Variants in FGF13 observed in about 807,000 individuals in gnomAD.
The protein encoded by FGF13 is fibroblast growth factor 13.
A neutral mutation model predicts 19.5 loss-of-function variants in FGF13; 2 were observed. The ratio of observed to expected loss-of-function variants is 0.10; its 90% CI spans 0.04 to 0.32. The LOEUF (loss-of-function observed/expected upper bound fraction) is 0.32, where lower values mean the gene tolerates loss of function less well. FGF13 is among the 10% of genes least tolerant of loss of function. FGF13 has a pLI of 1.00. For synonymous variants in FGF13, 72 were observed against 76.9 expected, an observed-to-expected ratio of 0.94 and a Z score of 0.33; for missense variants, 113 against 192.7, an observed-to-expected ratio of 0.59 and a Z score of 2.45.
At chrX:138,690,253 CTT>C (rs1399957993) in intron 3 of FGF13, among the ~76,000 whole-genome samples, 1 of 110,856 alleles carries the variant, frequency 9.0e-6, no homozygotes, top group Non-Finnish European at 1.9e-5. Flanking sequence ...AATGATAACT[CTT>C]TTTTTTAGAG....
intron 1 of FGF13, among the ~76,000 whole-genome samples, chrX:139,028,708 T>A (rs748425909): frequency 1.7e-4 from 10 of 60,412 alleles, no homozygotes; most frequent in Non-Finnish European, 2.2e-4. Flanking sequence ...TGTGTGTGTG[T>A]GAGAGAGAGA....
intron 1 of FGF13, among the ~76,000 whole-genome samples, chrX:138,936,866 A>G (rs1172388474): frequency 1.8e-5 from 2 of 111,830 alleles, no homozygotes; most frequent in African/African-American, 6.5e-5. Context: ...AGCGGTCAGA[A>G]TGTTATAGGG....
chrX:139,085,728 C>CA (rs200513740), intron 1 of FGF13, among the ~76,000 whole-genome samples: 175 of 110,343 alleles, frequency 1.6e-3, no homozygotes, highest in South Asian at 4.6e-3. Context: ...ACCTAAATGT[C>CA]AAAAAAAAGC....
chrX:138,819,623 A>G (rs2090985149), intron 3 of FGF13, among the ~76,000 whole-genome samples: 1 of 111,603 alleles, frequency 9.0e-6, no homozygotes, highest in African/African-American at 3.3e-5. Flanking sequence ...ATGACATTAA[A>G]AGGGATGGCC....
chrX:139,202,827 C>T lies in FGF13; in HGVS notation c.-113+589G>A, dbSNP rs185612343. Among the ~76,000 whole-genome samples the T allele has an allele frequency of 3.4e-3, 378 of 111,239 alleles. 3 individuals carry two copies. Among genetic ancestry groups the T allele is most frequent in the African/African-American group, 0.012 (352 of 30,588 alleles). On this transcript the variant is annotated intron_variant, in intron 1 of 2. Transcript: ENST00000421460. Reference sequence around the variant, plus strand: ...GAACTGGGGCCCCCATGAACAAAAGCTGGGACTCCCTGCGCTGCAACCTCA... The same window carrying T: ...GAACTGGGGCCCCCATGAACAAAAGTTGGGACTCCCTGCGCTGCAACCTCA...
intron 1 of FGF13, among the ~76,000 whole-genome samples, chrX:139,111,786 G>A (rs922919955): frequency 2.7e-5 from 3 of 111,837 alleles, no homozygotes; most frequent in South Asian, 3.7e-4. Flanking sequence ...CTGTACTGCC[G>A]GAAAATGAGC....
intron 1 of FGF13, among the ~76,000 whole-genome samples, chrX:139,084,272 G>C (rs1283557992): frequency 1.8e-5 from 2 of 110,952 alleles, no homozygotes; most frequent in African/African-American, 6.6e-5. Flanking sequence ...AGAAGGAAGA[G>C]AAATCGTTCA....
chrX:138,996,002 G>A (rs1248185870), intron 1 of FGF13, among the ~76,000 whole-genome samples: 1 of 111,820 alleles, frequency 8.9e-6, no homozygotes, highest in African/African-American at 3.3e-5. Context: ...AGCCTCACCA[G>A]GGTAAGCTAA....
At chrX:138,675,313 A>T (rs1384643856) in intron 3 of FGF13, among the ~76,000 whole-genome samples, 2 of 112,170 alleles carry the variant, frequency 1.8e-5, no homozygotes, top group Non-Finnish European at 3.8e-5. Context: ...TTTGTTAGAA[A>T]AATATTTTTC....
At chrX:139,074,669 T>C (rs1467047663) in intron 1 of FGF13, among the ~76,000 whole-genome samples, 2 of 112,105 alleles carry the variant, frequency 1.8e-5, no homozygotes, top group Non-Finnish European at 3.8e-5. Flanking sequence ...TGCCAATGGC[T>C]TCCCATTGTC....
intron 1 of FGF13, among the ~76,000 whole-genome samples, chrX:139,046,114 C>G (rs1438382866): frequency 9.0e-6 from 1 of 110,582 alleles, no homozygotes; most frequent in African/African-American, 3.3e-5. Context: ...TTACAGGAAG[C>G]ATGGTTCTGG....
intron 3 of FGF13, among the ~76,000 whole-genome samples, chrX:138,692,831 C>T (rs1424639483): frequency 2.7e-5 from 3 of 110,772 alleles, no homozygotes; most frequent in African/African-American, 9.8e-5. Flanking sequence ...TGGCTTTTTC[C>T]CACAAATATG....
chrX:138,655,220 G>A (rs983742188), intron 3 of FGF13, among the ~76,000 whole-genome samples: 14 of 111,703 alleles, frequency 1.3e-4, no homozygotes, highest in Admixed American at 4.8e-4. Context: ...GGGAGTGGCC[G>A]TATCATAGAA....
chrX:138,895,702 T>C (rs1486827292), intron 1 of FGF13, among the ~76,000 whole-genome samples: 1 of 112,092 alleles, frequency 8.9e-6, no homozygotes, highest in East Asian at 2.8e-4. Flanking sequence ...ATATCTTCAG[T>C]CCCAAGTTCA....
intron 1 of FGF13, among the ~76,000 whole-genome samples, chrX:138,921,971 C>CAAAAAAA (rs35464038): frequency 3.0e-5 from 2 of 67,503 alleles, no homozygotes; most frequent in Non-Finnish European, 5.5e-5. Context: ...TTATGGAACT[C>CAAAAAAA]AAAAAAAAAA....
In FGF13 at chrX:138,619,501, A is replaced by G. The variant is rs1279755347; in HGVS notation, c.*13349T>C. On this transcript the variant is annotated 3_prime_UTR_variant, in exon 5 of 5. Transcript: ENST00000315930. ...GAACTTCAAGTATAATATAAAAAGA[A>G]AGAAAGACAGAAACTATCACAGTGA... The G allele has an allele frequency of 9.0e-6, 1 of 111,582 alleles. No individual in the cohort carries two copies. The highest frequency in any genetic ancestry group is 3.3e-5 in the African/African-American group (1 of 30,641). 9.2% of individuals were successfully genotyped at this position (111,582 alleles called of 1,213,427 possible).
At chrX:139,110,465 C>T (rs62603190) in intron 1 of FGF13, among the ~76,000 whole-genome samples, 24,692 of 109,303 alleles carry the variant, frequency 0.23, 2,705 homozygotes, top group African/African-American at 0.41. Context: ...CGAGATCTGA[C>T]GGTTTTATAA....
chrX:139,058,758 G>A (rs2124420038), intron 1 of FGF13, among the ~76,000 whole-genome samples: 1 of 111,641 alleles, frequency 9.0e-6, no homozygotes, highest in Non-Finnish European at 1.9e-5. Context: ...CTGGAATGAA[G>A]AGAAAAAGTT....
At chrX:138,682,044 T>C (rs1421932714) in intron 3 of FGF13, among the ~76,000 whole-genome samples, 1 of 112,359 alleles carries the variant, frequency 8.9e-6, no homozygotes, top group Non-Finnish European at 1.9e-5. Context: ...CACATGCTGT[T>C]GGAAAAAATG....
Sources: gnomAD v4.1 joint callset for allele counts (sites outside exome capture counted in the v4.1 genomes callset) on GRCh38, gnomAD v4.1.1 for gene constraint, MANE v1.5 for transcripts, NCBI Gene and HGNC (gene_info 2026-07-23, HGNC 2026-07-21) for gene names.